Variants in DEF6 observed in about 807,000 individuals in gnomAD.
DEF6 encodes DEF6 guanine nucleotide exchange factor.
In DEF6, 32 loss-of-function variants were observed where a neutral mutation model predicts 80.5. That is an observed-to-expected ratio of 0.40 (90% confidence interval 0.30 to 0.53). The LOEUF (loss-of-function observed/expected upper bound fraction) is 0.53, where lower values mean the gene tolerates loss of function less well. Among genes scored for constraint, DEF6 ranks in the 20% least tolerant of loss-of-function variants. The pLI, the probability that DEF6 is intolerant of heterozygous loss-of-function variation, is 0.57. For synonymous variants in DEF6, 300 were observed against 337.9 expected (o/e 0.89, Z 1.23); for missense variants, 575 against 818.7 (o/e 0.70, Z 3.63).
intron 5 of DEF6, among the ~76,000 whole-genome samples, chr6:35,316,820 AC>A (rs1345122579): frequency 8.5e-5 from 13 of 152,286 alleles, no homozygotes; most frequent in Admixed American, 4.6e-4. Context: ...TATTTCCAAA[AC>A]TTTTTCATCA....
At chr6:35,313,307 G>T in intron 5 of DEF6, 1 of 431,356 alleles carries the variant, frequency 2.3e-6, no homozygotes, top group South Asian at 1.7e-5. Flanking sequence ...CAATTCAGTG[G>T]CATTAAATAC....
chr6:35,298,139 C>A (rs772547214), intron 1 of DEF6, among the ~76,000 whole-genome samples, 187 bp downstream of exon 1: 1 of 152,218 alleles, frequency 6.6e-6, no homozygotes, highest in Non-Finnish European at 1.5e-5. Context: ...GCTGCCCACC[C>A]TCCAGAGACC....
chr6:35,299,471 A>G (rs1270286831), intron 1 of DEF6, among the ~76,000 whole-genome samples: 1 of 152,096 alleles, frequency 6.6e-6, no homozygotes, highest in Non-Finnish European at 1.5e-5. Context: ...CTTCACATGG[A>G]AAGTACAGCC....
rs556514105 is a variant in DEF6, at chr6:35,298,072, G to A, written c.96+120G>A. On this transcript the variant is annotated intron_variant, in intron 1 of 10. Coordinates refer to ENST00000316637, the MANE Select transcript of DEF6 (RefSeq NM_022047.4). ...GGCACCCAGCCATCCAGCGTCCCGG[G>A]CCTGGGGTCGGGGGGCTGGTCCTGG... 514 of 916,538 alleles carry A rather than the reference G, an allele frequency of 5.6e-4. 1 individual carries two copies. The highest frequency in any genetic ancestry group is 7.6e-4 in the Non-Finnish European group (451 of 594,416). The allele number at this position is 916,538 out of a possible 1,614,324, so 56.8% of individuals were successfully genotyped here.
chr6:35,307,502 T>C, intron 1 of DEF6, among the ~76,000 whole-genome samples: 1 of 152,240 alleles, frequency 6.6e-6, no homozygotes, highest in East Asian at 1.9e-4. Flanking sequence ...TCAGTGGATG[T>C]TGGCATTATT....
intron 1 of DEF6, among the ~76,000 whole-genome samples, chr6:35,301,129 C>T (rs1319198229): frequency 6.6e-6 from 1 of 152,170 alleles, no homozygotes; most frequent in Admixed American, 6.5e-5. Context: ...GAGTGAGACT[C>T]TTGCCCACTG....
intron 5 of DEF6, among the ~76,000 whole-genome samples, chr6:35,314,715 G>A (rs1428042248): frequency 1.3e-5 from 2 of 152,110 alleles, no homozygotes; most frequent in Non-Finnish European, 2.9e-5. Context: ...TATTCTGTGG[G>A]TTGTCTCTTC....
rs888418198 is a variant in DEF6 at position 35,312,108 on chromosome 6, G to A, written c.424-194G>A. Among the ~76,000 whole-genome samples, 1 of 152,142 alleles carries A rather than the reference G, an allele frequency of 6.6e-6. No homozygotes were observed. Among genetic ancestry groups the A allele is most frequent in the African/African-American group, 2.4e-5 (1 of 41,406 alleles). On this transcript the variant is annotated intron_variant, in intron 3 of 10. Transcript: ENST00000316637. The surrounding 1 kb of genome is among the most constrained non-coding windows in gnomAD (Gnocchi z 6.6). ...TTGTGGACGGGGAGAGAAAACCTGAGTTGGGGTTGGGGCTCCAGGATCCTC... is the reference window on the plus strand; with the variant it reads ...TTGTGGACGGGGAGAGAAAACCTGAATTGGGGTTGGGGCTCCAGGATCCTC...
chr6:35,309,553 G>A, intron 1 of DEF6, 117 bp from the exon 2 acceptor site: 1 of 1,132,084 alleles, frequency 8.8e-7, no homozygotes, highest in African/African-American at 1.6e-5. Context: ...ACTGAACAGT[G>A]TGTGTAGAGA....
chr6:35,299,086 A>G (rs1182269948), intron 1 of DEF6, among the ~76,000 whole-genome samples: 3 of 152,074 alleles, frequency 2.0e-5, no homozygotes, highest in Non-Finnish European at 4.4e-5. Flanking sequence ...AATATCCCAA[A>G]CTGGTCCTAT....
intron 1 of DEF6, among the ~76,000 whole-genome samples, chr6:35,298,558 C>G (rs1043905842): frequency 2.6e-5 from 4 of 152,190 alleles, no homozygotes; most frequent in African/African-American, 7.2e-5. Flanking sequence ...GGGAAACTTA[C>G]CTTAGGCCTT....
At position 35,319,909 on chromosome 6, in the gene DEF6, G is replaced by A; in HGVS notation, c.1473G>A (p.Lys491=). The A allele has an allele frequency of 6.4e-7, 1 of 1,573,174 alleles. No individual in the cohort carries two copies. The highest frequency in any genetic ancestry group is 8.6e-7 in the Non-Finnish European group (1 of 1,159,038). ...ERYIERAQQE[K]EELQQEMAQQ... The stretch of plus-strand genomic sequence containing the variant: ...ACATCGAACGGGCGCAGCAGGAGAA[G>A]GAAGAGCTGCAGCAGGAGATGGCAC... Residue 491 remains lysine (K), a synonymous_variant, in exon 9 of 11, where the codon AAG becomes AAA. Transcript: ENST00000316637. The surrounding 1 kb of genome is among the most constrained non-coding windows in gnomAD (Gnocchi z 4.5).
chr6:35,310,559 T>C lies in DEF6; in HGVS notation c.338T>C (p.Leu113Pro). The change falls in exon 3 of 11, where the codon CTC becomes CCC. Residue 113 changes from leucine to proline, a missense_variant. Transcript: ENST00000316637. ...GCAGATAGCAACGGGAACAGTATGC[T>C]CTCCAATCAGGATGCCTTCCGCCTC... ...YRADSNGNSMLSNQDAFRLWC... is the reference protein window; with the variant it reads ...YRADSNGNSMPSNQDAFRLWC... 1 of 1,614,148 alleles carries C rather than the reference T, an allele frequency of 6.2e-7. No homozygotes were observed. The highest frequency in any genetic ancestry group is 1.1e-5 in the South Asian group (1 of 91,082).
chr6:35,305,146 ATTTTT>A, intron 1 of DEF6, among the ~76,000 whole-genome samples: 1 of 134,742 alleles, frequency 7.4e-6, no homozygotes, highest in African/African-American at 2.7e-5. Context: ...AAAAAAAAGA[ATTTTT>A]TTTTTTTTTT....
intron 1 of DEF6, among the ~76,000 whole-genome samples, chr6:35,304,128 A>G (rs1791360851): frequency 6.6e-6 from 1 of 152,038 alleles, no homozygotes. Flanking sequence ...GCAAAACTAC[A>G]TTGCAAAAAA....
chr6:35,303,668 C>T (rs1247568262), intron 1 of DEF6, among the ~76,000 whole-genome samples: 1 of 152,140 alleles, frequency 6.6e-6, no homozygotes, highest in Middle Eastern at 3.2e-3. Context: ...GGGTAGGGAT[C>T]ATGGAGGTCA....
chr6:35,310,731 C>A, intron 3 of DEF6, 87 bp downstream of exon 3: 1 of 1,350,642 alleles, frequency 7.4e-7, no homozygotes, highest in Non-Finnish European at 1.0e-6. Context: ...CCTTTGGTGC[C>A]TTCCCATATC....
chr6:35,316,265 A>G (rs1324237004), intron 5 of DEF6: 2 of 152,072 alleles, frequency 1.3e-5, no homozygotes, highest in Non-Finnish European at 2.9e-5. Context: ...TCAGCTTCCC[A>G]AAGTGTTAGG....
intron 1 of DEF6, among the ~76,000 whole-genome samples, chr6:35,302,793 C>T (rs1359709029): frequency 8.5e-5 from 13 of 152,190 alleles, no homozygotes; most frequent in Admixed American, 8.5e-4. Flanking sequence ...GTTTCAGTTT[C>T]ACCAGTTCTC....
Sources: allele counts gnomAD v4.1 joint callset (sites outside exome capture counted in the v4.1 genomes callset), GRCh38; gene constraint gnomAD v4.1.1; non-coding constraint Gnocchi (gnomAD v3.1); transcripts MANE v1.5; gene names NCBI Gene and HGNC (gene_info 2026-07-23, HGNC 2026-07-21).